Variants in HHAT observed in about 807,000 individuals in gnomAD.
HHAT encodes the protein hedgehog acyltransferase, also known as protein-cysteine N-palmitoyltransferase HHAT.
A neutral mutation model predicts 70.8 loss-of-function variants in HHAT; 47 were observed. That is an observed-to-expected ratio of 0.66 (90% CI 0.53 to 0.85). The LOEUF (loss-of-function observed/expected upper bound fraction) is 0.85. HHAT is among the 40% of genes least tolerant of loss of function. The pLI is 0.00. For missense variants in HHAT, 609 were observed against 604.8 expected (o/e 1.01, Z -0.07); for synonymous variants, 228 against 247.6 (o/e 0.92, Z 0.74).
chr1:210,413,127 T>C (rs2092615026), intron 6 of HHAT, among the ~76,000 whole-genome samples: 1 of 152,260 alleles, frequency 6.6e-6, no homozygotes, highest in African/African-American at 2.4e-5. Flanking sequence ...AGTATTATAA[T>C]GTTACATTAC....
intron 9 of HHAT, among the ~76,000 whole-genome samples, chr1:210,556,906 C>T (rs1042674353): frequency 6.6e-6 from 1 of 152,192 alleles, no homozygotes; most frequent in African/African-American, 2.4e-5. Context: ...CACTGACCCC[C>T]TGAAGGGCTA....
Position 210,674,549 on chromosome 1 carries a change from A to G in HHAT, c.*170A>G. On this transcript the variant is annotated 3_prime_UTR_variant, in exon 12 of 12. Coordinates refer to ENST00000261458, the MANE Select transcript of HHAT (RefSeq NM_018194.6). The stretch of plus-strand genomic sequence containing the variant: ...TCTCATAGAAAATTCACAGCCAGAC[A>G]ATCTTCTAATCTGGAGTCTTTGAGA... The G allele has an allele frequency of 3.4e-6, 2 of 584,448 alleles. No individual in the cohort carries two copies. Among genetic ancestry groups the G allele is most frequent in the South Asian group, 4.3e-5 (2 of 46,114 alleles). 36.2% of individuals were successfully genotyped at this position (584,448 alleles called of 1,614,324 possible). A position where few individuals can be genotyped will look rare whatever the true frequency, so the allele number is the denominator to read the frequency against.
At chr1:210,604,626 A>G (rs79519331) in intron 10 of HHAT, among the ~76,000 whole-genome samples, 6,798 of 152,240 alleles carry the variant, frequency 0.045, 182 homozygotes, top group Non-Finnish European at 0.059. Context: ...GTAAATGTAT[A>G]CTGTTGTCTA....
At chr1:210,371,286 C>A (rs1197317173) in intron 3 of HHAT, among the ~76,000 whole-genome samples, 2 of 152,194 alleles carry the variant, frequency 1.3e-5, no homozygotes, top group South Asian at 2.1e-4. Flanking sequence ...CAAGCAGGGC[C>A]TACAGGCATG....
chr1:210,483,848 T>C (rs1448563927), intron 8 of HHAT, among the ~76,000 whole-genome samples: 1 of 152,196 alleles, frequency 6.6e-6, no homozygotes, highest in Non-Finnish European at 1.5e-5. Flanking sequence ...TATAAATACA[T>C]TTCTGTACTA....
intron 9 of HHAT, among the ~76,000 whole-genome samples, chr1:210,572,812 C>G (rs561318761): frequency 6.6e-6 from 1 of 152,140 alleles, no homozygotes; most frequent in African/African-American, 2.4e-5. Context: ...GGGAGGATCC[C>G]TTGAGCCCAA....
intron 3 of HHAT, among the ~76,000 whole-genome samples, chr1:210,374,613 G>C (rs1050086980): frequency 6.6e-6 from 1 of 152,048 alleles, no homozygotes; most frequent in East Asian, 1.9e-4. Context: ...ATGGAAACTC[G>C]TTTTAGCCCT....
In HHAT at chr1:210,643,521, T is replaced by C. The variant is rs554963626; in HGVS notation, c.1390+19851T>C. ...TTCCAAAATGTTCTGGAACATACCA[T>C]GCGTCCAGAGGGTGAATCATTCCTT... On this transcript the variant is annotated intron_variant, in intron 11 of 11. Coordinates refer to ENST00000261458, the MANE Select transcript of HHAT (RefSeq NM_018194.6). 2.7e-4 allele frequency among the ~76,000 whole-genome samples: 41 copies of C among 152,348 alleles called. 1 individual carries two copies. The South Asian group carries it at 8.1e-3, about 30-fold the overall frequency.
At chr1:210,395,722 T>G (rs2091744277) in intron 4 of HHAT, among the ~76,000 whole-genome samples, 1 of 152,194 alleles carries the variant, frequency 6.6e-6, no homozygotes, top group African/African-American at 2.4e-5. Context: ...AGTAGAGACT[T>G]TGGAAGACAG....
intron 9 of HHAT, among the ~76,000 whole-genome samples, chr1:210,526,481 A>T (rs1008063248): frequency 6.6e-5 from 10 of 151,758 alleles, no homozygotes; most frequent in African/African-American, 2.2e-4. Context: ...GAGCTGCGTC[A>T]GTTCCACAAA....
At chr1:210,327,463 G>A (rs1445824147), upstream of HHAT, among the ~76,000 whole-genome samples, 1 of 151,966 alleles carries the variant, frequency 6.6e-6, no homozygotes, top group African/African-American at 2.4e-5. Flanking sequence ...AATATTGCAT[G>A]GGTCATAGTG....
intron 8 of HHAT, among the ~76,000 whole-genome samples, chr1:210,482,237 A>G (rs111330366): frequency 1.3e-3 from 205 of 152,236 alleles, no homozygotes; most frequent in African/African-American, 4.7e-3. Flanking sequence ...CTGGTCCCCA[A>G]ATCATTCCCA....
rs537116499 is a variant in HHAT, at chr1:210,595,609, A to C, written c.1245+7510A>C. On this transcript the variant is annotated intron_variant, in intron 10 of 11. Transcript: ENST00000261458. ...AGTGTAAAAGTGTTCCTATTTCTCC[A>C]CATCCTCTCCACCACCTGTTGTTTC... Among the ~76,000 whole-genome samples, 3 of 152,284 alleles carry C rather than the reference A, an allele frequency of 2.0e-5. No homozygotes were observed. The East Asian group carries it at 5.8e-4, about 29-fold the overall frequency.
chr1:210,529,982 A>G (rs1573066655), intron 9 of HHAT, among the ~76,000 whole-genome samples: 1 of 152,226 alleles, frequency 6.6e-6, no homozygotes, highest in Admixed American at 6.5e-5. Context: ...TGGTAAAGGC[A>G]GTAATTCATT....
intron 7 of HHAT, among the ~76,000 whole-genome samples, chr1:210,446,356 T>A (rs2093634606): frequency 6.6e-6 from 1 of 152,204 alleles, no homozygotes; most frequent in Admixed American, 6.5e-5. Context: ...TCTTCCTGTT[T>A]ATGGAAAAAA....
intron 1 of HHAT, 129 bp downstream of exon 1, chr1:210,329,233 C>G: frequency 8.0e-7 from 1 of 1,243,322 alleles, no homozygotes; most frequent in Non-Finnish European, 1.0e-6. Flanking sequence ...GTGTGCGCGC[C>G]CGAGGGCGGG....
intron 7 of HHAT, chr1:210,462,434 T>C (rs2093998697): frequency 2.0e-5 from 3 of 152,250 alleles, no homozygotes; most frequent in Non-Finnish European, 4.4e-5. Context: ...CTCATTGCCA[T>C]CTCAGCCAGT....
intron 1 of HHAT, among the ~76,000 whole-genome samples, chr1:210,333,801 A>AT: frequency 6.6e-6 from 1 of 151,978 alleles, no homozygotes; most frequent in Non-Finnish European, 1.5e-5. Flanking sequence ...GGGATTACAG[A>AT]TGTTCACCAC....
Position 210,566,646 on chromosome 1 carries a change from G to C in HHAT, c.1044-21252G>C, listed in dbSNP as rs563403747. 5.9e-5 allele frequency among the ~76,000 whole-genome samples: 9 copies of C among 152,242 alleles called. No homozygotes were observed. The East Asian group carries it at 1.8e-3, about 30-fold the overall frequency. ...CTGAATGCTGAGAGGAGTTCAGCTG[G>C]TGATGATCAGAGGGGAGATCGGCCG... On this transcript the variant is annotated intron_variant, in intron 9 of 11. Coordinates refer to ENST00000261458, the MANE Select transcript of HHAT (RefSeq NM_018194.6).
Sources: allele counts gnomAD v4.1 joint callset (sites outside exome capture counted in the v4.1 genomes callset), GRCh38; gene constraint gnomAD v4.1.1; transcripts MANE v1.5; gene names NCBI Gene and HGNC (gene_info 2026-07-23, HGNC 2026-07-21).